The following ICA1 variants were observed in gnomAD, a reference collection of about 807,000 sequenced individuals.
The protein encoded by ICA1 is islet cell autoantigen 1, also known as 69 kDa islet cell autoantigen.
Under a neutral mutation model 71.0 loss-of-function variants are expected in ICA1, and 40 were observed. The ratio of observed to expected loss-of-function variants is 0.56; its 90% CI spans 0.44 to 0.73. The LOEUF is 0.73. Ranked by LOEUF, ICA1 falls within the 30% of genes least tolerant of loss-of-function variation. The pLI, the probability that ICA1 is intolerant of heterozygous loss-of-function variation, is 0.00. For missense variants in ICA1, 578 were observed against 576.5 expected, an observed-to-expected ratio of 1.00 and a Z score of -0.03; for synonymous variants, 207 against 209.5, an observed-to-expected ratio of 0.99 and a Z score of 0.10.
At chr7:8,251,185 G>A (rs954663523) in intron 1 of ICA1, among the ~76,000 whole-genome samples, 9 of 151,988 alleles carry the variant, frequency 5.9e-5, no homozygotes, top group African/African-American at 2.2e-4. Flanking sequence ...ACTGTGCCCA[G>A]CCAGATATTT....
rs1219622479 is a variant in ICA1 at position 8,132,461 on chromosome 7, C to G, written c.1061-4319G>C. Among the ~76,000 whole-genome samples the G allele has an allele frequency of 6.6e-6, 1 of 152,174 alleles. No homozygotes were observed. The highest frequency in any genetic ancestry group is 1.5e-5 in the Non-Finnish European group (1 of 68,040). On this transcript the variant is annotated intron_variant, in intron 12 of 13. Coordinates refer to ENST00000402384, the MANE Select transcript of ICA1 (RefSeq NM_001136020.3). The surrounding 1 kb of genome is among the most constrained non-coding windows in gnomAD (Gnocchi z 4.5). ...TACTTTGGCTCTACTCTTTTCTCAG[C>G]TGCCTGTAATTAAGTTCCTGCCCCC... is the stretch of plus-strand genomic sequence containing the variant.
chr7:8,241,408 T>C (rs1050732588), intron 1 of ICA1, among the ~76,000 whole-genome samples: 4 of 152,166 alleles, frequency 2.6e-5, no homozygotes, highest in African/African-American at 9.7e-5. Flanking sequence ...CAAGAGCTCC[T>C]GAAGGAAGCA....
At chr7:8,136,497 T>C (rs1226209064) in intron 12 of ICA1, among the ~76,000 whole-genome samples, 1 of 152,196 alleles carries the variant, frequency 6.6e-6, no homozygotes, top group Non-Finnish European at 1.5e-5. Context: ...ACAAGTTCTC[T>C]GTGCACTGAG....
Position 8,197,578 on chromosome 7 carries a change from A to AATG in ICA1, c.579+20726_579+20727insCAT, listed in dbSNP as rs1788137406. Among the ~76,000 whole-genome samples, 8 of 39,030 alleles carry AATG rather than the reference A, an allele frequency of 2.0e-4. No homozygotes were observed. In the South Asian group the frequency reaches 0.033, roughly 161 times the overall value. 25.6% of individuals were successfully genotyped at this position (39,030 alleles called of 152,430 possible). On this transcript the variant is annotated intron_variant, in intron 6 of 13. Transcript: ENST00000402384. ...AAAAAAAAAAGAAGAAAGAAGAAATAATAATAATAATAATAATAATAATAA... is the reference window on the plus strand; with the variant it reads ...AAAAAAAAAAGAAGAAAGAAGAAATAATGATAATAATAATAATAATAATAATAA...
At chr7:8,212,123 A>C (rs1793993258) in intron 6 of ICA1, among the ~76,000 whole-genome samples, 1 of 152,226 alleles carries the variant, frequency 6.6e-6, no homozygotes, top group African/African-American at 2.4e-5. Context: ...CCAGAGGCTA[A>C]GATTAGAGCA....
intron 6 of ICA1, among the ~76,000 whole-genome samples, chr7:8,208,656 T>C (rs900917103): frequency 2.0e-5 from 3 of 152,294 alleles, no homozygotes; most frequent in Non-Finnish European, 2.9e-5. Context: ...AGGGATAAAC[T>C]ACAGAGGCGA....
At chr7:8,227,961 G>A in intron 4 of ICA1, 1 of 355,324 alleles carries the variant, frequency 2.8e-6, no homozygotes, top group South Asian at 2.2e-5. Flanking sequence ...TTACTGAAAA[G>A]GGGTTTGGCA....
rs755306841 is a variant in ICA1, at chr7:8,144,010, A to G, written c.805-38T>C. 2.6e-6 allele frequency: 3 copies of G among 1,148,334 alleles called. No homozygotes were observed. Among genetic ancestry groups the G allele is most frequent in the East Asian group, 2.4e-5 (1 of 42,484 alleles). 71.1% of individuals were successfully genotyped at this position (1,148,334 alleles called of 1,614,324 possible). A position where few individuals can be genotyped will look rare whatever the true frequency, so the allele number is the denominator to read the frequency against. On this transcript the variant is annotated intron_variant, in intron 8 of 13. Transcript: ENST00000402384. The surrounding 1 kb of genome is among the most constrained non-coding windows in gnomAD (Gnocchi z 4.5). ...CCATAGAAAAATGAAAAAGAAAAAA[A>G]AAGAAGAAGAAATAGAGACAAAAAA...
chr7:8,190,140 A>G (rs1256538787), intron 6 of ICA1, among the ~76,000 whole-genome samples: 3 of 152,154 alleles, frequency 2.0e-5, no homozygotes, highest in Non-Finnish European at 4.4e-5. Flanking sequence ...TGTGTTTATT[A>G]TTAATAATGA....
In ICA1 at chr7:8,157,254, C is replaced by T. The variant is rs1422120505; in HGVS notation, c.706-40G>A. 8 of 1,539,952 alleles carry T rather than the reference C, an allele frequency of 5.2e-6. No individual in the cohort carries two copies. In the Admixed American group the frequency reaches 5.9e-5, roughly 11 times the overall value. On this transcript the variant is annotated intron_variant, in intron 7 of 13. Coordinates refer to ENST00000402384, the MANE Select transcript of ICA1 (RefSeq NM_001136020.3). Reference sequence around the variant, plus strand: ...AGTAAAGCTATTAATGTTTTGAATGCCCAGTTCTAGTCCTGGTCCCCAGGG... The same window carrying T: ...AGTAAAGCTATTAATGTTTTGAATGTCCAGTTCTAGTCCTGGTCCCCAGGG...
chr7:8,200,279 G>A (rs17402321), intron 6 of ICA1, among the ~76,000 whole-genome samples: 24,371 of 143,404 alleles, frequency 0.17, 2,225 homozygotes, highest in Non-Finnish European at 0.21. Context: ...ATGTGTTTCC[G>A]GGATGACAGA....
At chr7:8,208,080 G>C (rs952854132) in intron 6 of ICA1, among the ~76,000 whole-genome samples, 3 of 152,154 alleles carry the variant, frequency 2.0e-5, no homozygotes, top group Non-Finnish European at 2.9e-5. Context: ...AATATTCCTT[G>C]ATGACAAACT....
rs572632109 is a variant in ICA1 at position 8,132,142 on chromosome 7, A to T, written c.1061-4000T>A. On this transcript the variant is annotated intron_variant, in intron 12 of 13. Coordinates refer to ENST00000402384, the MANE Select transcript of ICA1 (RefSeq NM_001136020.3). This position sits in a 1 kb window ranked among gnomAD's most constrained non-coding sequence, Gnocchi z 4.5. The stretch of plus-strand genomic sequence containing the variant: ...GCAAAAATAAGAGCCAACAGACATG[A>T]CGTACTCACATCCTCACCTGTCTCC... 6.6e-6 allele frequency among the ~76,000 whole-genome samples: 1 copy of T among 152,294 alleles called. No homozygotes were observed. Among genetic ancestry groups the T allele is most frequent in the South Asian group, 2.1e-4 (1 of 4,820 alleles).
At chr7:8,257,905 G>A (rs976602780) in intron 1 of ICA1, among the ~76,000 whole-genome samples, 1 of 152,170 alleles carries the variant, frequency 6.6e-6, no homozygotes, top group African/African-American at 2.4e-5. Context: ...AGGACTATTT[G>A]TATTAGCATT....
chr7:8,162,846 C>T (rs1183426316), intron 6 of ICA1, among the ~76,000 whole-genome samples: 11 of 152,226 alleles, frequency 7.2e-5, no homozygotes, highest in African/African-American at 2.2e-4. Context: ...TCACTGCAAC[C>T]GCTGCCTCCT....
At chr7:8,176,704 G>A (rs1421018151) in intron 6 of ICA1, among the ~76,000 whole-genome samples, 1 of 152,156 alleles carries the variant, frequency 6.6e-6, no homozygotes, top group African/African-American at 2.4e-5. Flanking sequence ...TGCTCTGTTT[G>A]CTGAATTACT....
chr7:8,216,584 CA>C lies in ICA1; in HGVS notation c.579+1720del, dbSNP rs142208758. Among the ~76,000 whole-genome samples, 8 of 143,660 alleles carry C rather than the reference CA, an allele frequency of 5.6e-5. No homozygotes were observed. The South Asian group carries it at 1.1e-3, about 19-fold the overall frequency. 94.2% of individuals were successfully genotyped at this position (143,660 alleles called of 152,430 possible). On this transcript the variant is annotated intron_variant, in intron 6 of 13. Coordinates refer to ENST00000402384, the MANE Select transcript of ICA1 (RefSeq NM_001136020.3). ...AGTAACCACCCCCACAAAACAAAAC[CA>C]AAAAAAAAATTCCACATAAAATTCT...
intron 8 of ICA1, chr7:8,156,908 T>G (rs557433467): frequency 6.6e-7 from 1 of 1,524,168 alleles, no homozygotes; most frequent in Non-Finnish European, 8.8e-7. Flanking sequence ...TAGATTCTCA[T>G]TGTATTGAAT....
intron 6 of ICA1, among the ~76,000 whole-genome samples, chr7:8,176,559 G>C (rs1780693190): frequency 6.6e-6 from 1 of 152,176 alleles, no homozygotes; most frequent in Non-Finnish European, 1.5e-5. Flanking sequence ...CTAAGGCTAA[G>C]GCTTTGTGCC....
Sources: allele counts gnomAD v4.1 joint callset (sites outside exome capture counted in the v4.1 genomes callset), GRCh38; gene constraint gnomAD v4.1.1; non-coding constraint Gnocchi (gnomAD v3.1); transcripts MANE v1.5; gene names NCBI Gene and HGNC (gene_info 2026-07-23, HGNC 2026-07-21).